Variants in GAS2 observed in about 807,000 individuals in gnomAD.
GAS2 encodes the protein growth arrest-specific protein 2.
A neutral mutation model predicts 37.5 loss-of-function variants in GAS2; 20 were observed. The ratio of observed to expected loss-of-function variants is 0.53; its 90% CI spans 0.37 to 0.77. The LOEUF (loss-of-function observed/expected upper bound fraction) is 0.77. Among genes scored for constraint, GAS2 ranks in the 30% least tolerant of loss-of-function variants. The probability of loss-of-function intolerance (pLI) is 0.00; values close to 1 mark genes in which losing one functional copy is unlikely to be tolerated. For synonymous variants in GAS2, 144 were observed against 132.2 expected, an observed-to-expected ratio of 1.09 and a Z score of -0.61; for missense variants, 336 against 373.4, an observed-to-expected ratio of 0.90 and a Z score of 0.82.
chr11:22,639,771 A>G (rs1389936079), intron 1 of GAS2, among the ~76,000 whole-genome samples: 3 of 152,184 alleles, frequency 2.0e-5, no homozygotes, highest in African/African-American at 4.8e-5. Context: ...TATTTTCAGT[A>G]GGCCATAATA....
chr11:22,650,849 T>G (rs1442470292), intron 1 of GAS2, among the ~76,000 whole-genome samples: 2 of 151,708 alleles, frequency 1.3e-5, no homozygotes, highest in Non-Finnish European at 3.0e-5. Flanking sequence ...TACAGCACAC[T>G]GATGGATCTT....
At chr11:22,681,361 A>G (rs1298230535) in intron 2 of GAS2, among the ~76,000 whole-genome samples, 1 of 152,208 alleles carries the variant, frequency 6.6e-6, no homozygotes, top group Non-Finnish European at 1.5e-5. Flanking sequence ...TAGCCACAAT[A>G]TTTAATCAAA....
chr11:22,797,446 C>T (rs1856481987), intron 7 of GAS2, among the ~76,000 whole-genome samples: 1 of 152,048 alleles, frequency 6.6e-6, no homozygotes. Context: ...AAGGCCCTGT[C>T]CATGTTGGGA....
chr11:22,752,772 C>T (rs184905050), intron 6 of GAS2, among the ~76,000 whole-genome samples: 20 of 152,118 alleles, frequency 1.3e-4, no homozygotes, highest in Admixed American at 1.2e-3. Context: ...TGAACAGTTT[C>T]AGCAATAACT....
Position 22,627,798 on chromosome 11 carries a change from G to GA in GAS2, c.-21+1994dup, listed in dbSNP as rs535864099. On this transcript the variant is annotated intron_variant, in intron 1 of 5. Transcript: ENST00000528582. ...TCAAAAAAAAAAAAAAAGGAAAATG[G>GA]AAAAAAAAAGGAAAAGAAACCAACT... Among the ~76,000 whole-genome samples the GA allele has an allele frequency of 4.2e-4, 63 of 149,002 alleles. No homozygotes were observed. The South Asian group carries it at 4.5e-3, about 11-fold the overall frequency.
intron 7 of GAS2, among the ~76,000 whole-genome samples, chr11:22,771,564 G>A (rs1362699756): frequency 6.6e-6 from 1 of 152,092 alleles, no homozygotes; most frequent in African/African-American, 2.4e-5. Flanking sequence ...TGATTTTGAG[G>A]TACTGAGGTT....
At chr11:22,778,257 C>T (rs867640890) in intron 7 of GAS2, among the ~76,000 whole-genome samples, 1 of 152,104 alleles carries the variant, frequency 6.6e-6, no homozygotes, top group Non-Finnish European at 1.5e-5. Context: ...TAATGCTACT[C>T]AGTTTTAGAG....
chr11:22,652,257 T>C (rs1293264684), intron 1 of GAS2, among the ~76,000 whole-genome samples: 6 of 152,182 alleles, frequency 3.9e-5, no homozygotes, highest in African/African-American at 1.4e-4. Flanking sequence ...AGGGACCCAC[T>C]TGAGGAGGCA....
rs1018273607 is a variant in GAS2, at chr11:22,659,347, C to T, written c.-20-15503C>T. 3.3e-5 allele frequency among the ~76,000 whole-genome samples: 5 copies of T among 152,176 alleles called. No homozygotes were observed. The East Asian group carries it at 9.6e-4, about 29-fold the overall frequency. On this transcript the variant is annotated intron_variant, in intron 1 of 5. Coordinates refer to the GAS2 transcript ENST00000528582. ...ATTATTAAAAATAAAAATGCAACCC[C>T]TCCCCTTTAAGAGGCACTTTCAGTC...
At chr11:22,679,315 AC>A (rs1339499389) in intron 2 of GAS2, among the ~76,000 whole-genome samples, 5 of 152,082 alleles carry the variant, frequency 3.3e-5, no homozygotes, top group African/African-American at 1.2e-4. Context: ...TTAAATATAC[AC>A]ATTTCATTTT....
rs1590601372 is a variant in GAS2, at chr11:22,671,609, G to T, written c.-20-3241G>T. Among the ~76,000 whole-genome samples the T allele has an allele frequency of 2.0e-5, 3 of 152,006 alleles. No homozygotes were observed. In the East Asian group the frequency reaches 5.8e-4, roughly 29 times the overall value. ...AAGTTACCCCTTGGCATCTCTTGTG[G>T]TTTTGAACACTTTTGAATGAATTCA... On this transcript the variant is annotated intron_variant, in intron 1 of 7. Transcript: ENST00000454584.
chr11:22,727,769 CATAG>C (rs1852285168), intron 4 of GAS2, among the ~76,000 whole-genome samples: 1 of 151,912 alleles, frequency 6.6e-6, no homozygotes, highest in Non-Finnish European at 1.5e-5. Context: ...TGTGTGCGTA[CATAG>C]ATAATACCTG....
rs747018038 is a variant in GAS2 at position 22,811,875 on chromosome 11, C to T, written c.801C>T (p.Asp267=). The T allele has an allele frequency of 1.2e-6, 2 of 1,614,130 alleles. No homozygotes were observed. The highest frequency in any genetic ancestry group is 1.7e-6 in the Non-Finnish European group (2 of 1,179,992). Residue 267 remains aspartate, a synonymous_variant, in exon 8 of 8, where the codon GAC becomes GAT. Transcript: ENST00000454584. ...ETFAGYLLKH[D]PCRMLQISRV... is the part of the protein sequence containing the mutation. The stretch of plus-strand genomic sequence containing the variant: ...TTGCAGGGTATTTGTTGAAACACGA[C>T]CCCTGCCGAATGCTGCAGATCTCCC...
Position 22,653,864 on chromosome 11 carries a change from A to G in GAS2, c.-20-20986A>G, listed in dbSNP as rs370059545. 3.3e-5 allele frequency among the ~76,000 whole-genome samples: 5 copies of G among 152,142 alleles called. No individual in the cohort carries two copies. In the East Asian group the frequency reaches 9.6e-4, roughly 29 times the overall value. On this transcript the variant is annotated intron_variant, in intron 1 of 5. Transcript: ENST00000528582. ...GTGGCTTCTGAGGCAAAAATCCCAA[A>G]AGGCCATGAAGCTTCCACCCTATTC...
At chr11:22,654,526 T>G (rs337511) in intron 1 of GAS2, among the ~76,000 whole-genome samples, 148,051 of 152,028 alleles carry the variant, frequency 0.97, 72,221 homozygotes, top group South Asian at 1. Context: ...CTCCTGAGAG[T>G]TTGGGACTAC....
upstream of GAS2, among the ~76,000 whole-genome samples, chr11:22,666,210 T>C (rs1848983000): frequency 6.6e-6 from 1 of 152,200 alleles, no homozygotes; most frequent in African/African-American, 2.4e-5. Context: ...GTATTTCCTT[T>C]GGTAAAGCAA....
At chr11:22,802,880 T>TA (rs1361173219) in intron 7 of GAS2, among the ~76,000 whole-genome samples, 1 of 152,114 alleles carries the variant, frequency 6.6e-6, no homozygotes, top group African/African-American at 2.4e-5. Flanking sequence ...CACAAATACT[T>TA]ACCATGTGTT....
At chr11:22,659,327 T>C (rs1273955556) in intron 1 of GAS2, among the ~76,000 whole-genome samples, 1 of 152,138 alleles carries the variant, frequency 6.6e-6, no homozygotes, top group Non-Finnish European at 1.5e-5. Flanking sequence ...AGCTTATTAT[T>C]AAAAATAAAA....
intron 7 of GAS2, among the ~76,000 whole-genome samples, chr11:22,782,839 A>G (rs1381289345): frequency 1.3e-5 from 2 of 148,532 alleles, no homozygotes; most frequent in East Asian, 2.0e-4. Context: ...TCTTTATCCA[A>G]TCTACAACTG....
Sources: gnomAD v4.1 joint callset for allele counts (sites outside exome capture counted in the v4.1 genomes callset) on GRCh38, gnomAD v4.1.1 for gene constraint, MANE v1.5 for transcripts, NCBI Gene and HGNC (gene_info 2026-07-23, HGNC 2026-07-21) for gene names.